KIAA1328: variants seen among roughly 807,000 people sequenced by gnomAD.
KIAA1328 encodes the protein KIAA1328, also known as protein hinderin.
Under a neutral mutation model 68.1 loss-of-function variants are expected in KIAA1328, and 52 were observed. The ratio of observed to expected loss-of-function variants is 0.76; its 90% CI spans 0.61 to 0.96. KIAA1328 has a LOEUF of 0.96. Among genes scored for constraint, KIAA1328 ranks in the 40% least tolerant of loss-of-function variants. KIAA1328 has a pLI of 0.00. For synonymous variants in KIAA1328, 232 were observed against 239.4 expected, an observed-to-expected ratio of 0.97 and a Z score of 0.28; for missense variants, 641 against 677.6, an observed-to-expected ratio of 0.95 and a Z score of 0.60.
intron 8 of KIAA1328, among the ~76,000 whole-genome samples, chr18:37,167,276 G>T (rs1339197387): frequency 6.6e-6 from 1 of 152,164 alleles, no homozygotes; most frequent in African/African-American, 2.4e-5. Flanking sequence ...GCCGTCTATA[G>T]GTGGCTCGTG....
intron 5 of KIAA1328, among the ~76,000 whole-genome samples, chr18:36,953,421 G>T (rs377678135): frequency 2.1e-5 from 3 of 140,400 alleles, no homozygotes; most frequent in Non-Finnish European, 3.1e-5. Flanking sequence ...TAGATAGATA[G>T]AGATAGATAG....
intron 4 of KIAA1328, among the ~76,000 whole-genome samples, chr18:36,847,899 C>T (rs1366146349): frequency 3.3e-5 from 5 of 151,740 alleles, no homozygotes; most frequent in African/African-American, 9.7e-5. Context: ...ATTGAACATA[C>T]ATGCATGGTT....
At chr18:37,043,361 T>C (rs2055336197) in intron 6 of KIAA1328, among the ~76,000 whole-genome samples, 2 of 152,204 alleles carry the variant, frequency 1.3e-5, no homozygotes, top group Non-Finnish European at 2.9e-5. Context: ...TTTGATGTGA[T>C]ATATTATAAC....
intron 7 of KIAA1328, among the ~76,000 whole-genome samples, chr18:37,151,300 G>A (rs2059023202): frequency 6.6e-6 from 1 of 152,130 alleles, no homozygotes; most frequent in African/African-American, 2.4e-5. Flanking sequence ...AGAAAGATAT[G>A]CTCTTGAATT....
Position 37,063,994 on chromosome 18 carries a change from T to G in KIAA1328, c.577-2896T>G, listed in dbSNP as rs142731178. On this transcript the variant is annotated intron_variant, in intron 6 of 9. Transcript: ENST00000280020. ...GTAAAAGATAGTTTACCATACTAAG[T>G]AGCAGGTGATAAATGTTAAATGTTT... 7.9e-5 allele frequency among the ~76,000 whole-genome samples: 12 copies of G among 152,314 alleles called. No individual in the cohort carries two copies. The East Asian group carries it at 2.3e-3, about 29-fold the overall frequency.
At chr18:36,969,005 C>T (rs1407416554) in intron 6 of KIAA1328, among the ~76,000 whole-genome samples, 1 of 152,094 alleles carries the variant, frequency 6.6e-6, no homozygotes, top group Non-Finnish European at 1.5e-5. Flanking sequence ...TATACAGTTT[C>T]ATGGAAATTA....
chr18:37,082,834 A>T (rs1387384153), intron 7 of KIAA1328, among the ~76,000 whole-genome samples: 1 of 152,176 alleles, frequency 6.6e-6, no homozygotes, highest in Non-Finnish European at 1.5e-5. Context: ...ACCACCTTAA[A>T]TCATTTTTGG....
chr18:36,981,878 C>T (rs548172373), intron 6 of KIAA1328, among the ~76,000 whole-genome samples: 1 of 151,228 alleles, frequency 6.6e-6, no homozygotes, highest in African/African-American at 2.4e-5. Flanking sequence ...TAGGCATGAG[C>T]CACCACACCC....
intron 9 of KIAA1328, among the ~76,000 whole-genome samples, chr18:37,174,574 TTTTTATTTTTA>T (rs1371499934): frequency 7.0e-6 from 1 of 143,444 alleles, no homozygotes; most frequent in African/African-American, 2.7e-5. Flanking sequence ...TTTATTTTTA[TTTTTATTTTTA>T]TTTTATTTTA....
At chr18:36,839,314 T>C (rs534363577) in intron 3 of KIAA1328, among the ~76,000 whole-genome samples, 1 of 152,334 alleles carries the variant, frequency 6.6e-6, no homozygotes, top group Non-Finnish European at 1.5e-5. Flanking sequence ...TTCAAATTCA[T>C]TAACCTTCTG....
At chr18:36,980,068 A>C (rs1021563648) in intron 6 of KIAA1328, among the ~76,000 whole-genome samples, 1 of 152,184 alleles carries the variant, frequency 6.6e-6, no homozygotes, top group Non-Finnish European at 1.5e-5. Flanking sequence ...CCTCCTCACC[A>C]GTGGAGGCAG....
chr18:37,042,110 C>T (rs537692551), intron 6 of KIAA1328, among the ~76,000 whole-genome samples: 4 of 152,182 alleles, frequency 2.6e-5, no homozygotes, highest in South Asian at 4.1e-4. Context: ...GTTGCCCAGG[C>T]TGGTCTCGAA....
At chr18:36,835,403 T>G in intron 3 of KIAA1328, 27 bp downstream of exon 3, 1 of 1,600,578 alleles carries the variant, frequency 6.2e-7, no homozygotes, top group Non-Finnish European at 8.5e-7. Flanking sequence ...TCTTTTTTTT[T>G]CCTTGCTCTC....
chr18:37,069,035 A>G (rs2056440399), intron 7 of KIAA1328, among the ~76,000 whole-genome samples: 1 of 152,124 alleles, frequency 6.6e-6, no homozygotes, highest in African/African-American at 2.4e-5. Context: ...AAGTTTTATC[A>G]TAGGTGTTGA....
At chr18:36,994,847 T>G (rs1241676718) in intron 6 of KIAA1328, among the ~76,000 whole-genome samples, 1 of 152,202 alleles carries the variant, frequency 6.6e-6, no homozygotes, top group Non-Finnish European at 1.5e-5. Context: ...TAATATCCAG[T>G]GTTTCCAATT....
At chr18:37,204,564 GGA>G (rs1479620654) in intron 9 of KIAA1328, among the ~76,000 whole-genome samples, 1 of 152,148 alleles carries the variant, frequency 6.6e-6, no homozygotes, top group Non-Finnish European at 1.5e-5. Context: ...ATTTGTAAAT[GGA>G]ACAGGCTAAA....
chr18:37,082,374 G>A (rs962166278), intron 7 of KIAA1328, among the ~76,000 whole-genome samples: 1 of 152,152 alleles, frequency 6.6e-6, no homozygotes, highest in South Asian at 2.1e-4. Flanking sequence ...ATTTCACCAT[G>A]TTGGCCAGGC....
intron 9 of KIAA1328, among the ~76,000 whole-genome samples, chr18:37,198,152 T>A (rs550688112): frequency 6.6e-6 from 1 of 152,224 alleles, no homozygotes; most frequent in East Asian, 1.9e-4. Context: ...CAGTTAGTAG[T>A]TTAGTAACTG....
intron 7 of KIAA1328, among the ~76,000 whole-genome samples, chr18:37,130,062 A>G (rs1196712738): frequency 6.6e-6 from 1 of 152,184 alleles, no homozygotes; most frequent in Admixed American, 6.5e-5. Context: ...TCTGAGCTAA[A>G]TACTCATCTT....
Sources: gnomAD v4.1 joint callset for allele counts (sites outside exome capture counted in the v4.1 genomes callset) on GRCh38, gnomAD v4.1.1 for gene constraint, MANE v1.5 for transcripts, NCBI Gene and HGNC (gene_info 2026-07-23, HGNC 2026-07-21) for gene names.